Variants in LAMB1 observed in about 807,000 individuals in gnomAD.
LAMB1 encodes the protein laminin subunit beta 1.
Under a neutral mutation model 222.3 loss-of-function variants are expected in LAMB1, and 121 were observed. The observed-to-expected ratio is 0.54, with a 90% CI of 0.47 to 0.63. The LOEUF is 0.63. LAMB1 is among the 30% of genes least tolerant of loss of function. LAMB1 has a pLI of 0.00. For missense variants in LAMB1, 2,172 were observed against 2,240.8 expected (o/e 0.97, Z 0.62); for synonymous variants, 794 against 807.2 (o/e 0.98, Z 0.28).
In LAMB1 at chr7:107,972,982, C is replaced by A; in HGVS notation, c.1562+10G>T. The A allele has an allele frequency of 1.2e-6, 2 of 1,604,534 alleles. No homozygotes were observed. Among genetic ancestry groups the A allele is most frequent in the Non-Finnish European group, 1.7e-6 (2 of 1,171,334 alleles). On this transcript the variant is annotated intron_variant, in intron 13 of 33. Transcript: ENST00000222399. The stretch of plus-strand genomic sequence containing the variant: ...ACTGAGGACAAGAGCATACGTAGAG[C>A]TCCATTTACCTGTTGTTTAAGGCTC...
intron 4 of LAMB1, 21 bp downstream of exon 4, chr7:107,998,336 G>A (rs761735862): frequency 6.2e-7 from 1 of 1,610,540 alleles, no homozygotes; most frequent in Non-Finnish European, 8.5e-7. Flanking sequence ...AACGGAACTT[G>A]TCCCCACACC....
intron 22 of LAMB1, among the ~76,000 whole-genome samples, chr7:107,952,930 T>C (rs903492411): frequency 2.0e-5 from 3 of 152,214 alleles, no homozygotes; most frequent in Admixed American, 1.3e-4. Context: ...GGGCAGAGCA[T>C]ACCATCAGTA....
intron 23 of LAMB1, 77 bp from the exon 24 acceptor site, chr7:107,951,399 A>G (rs2033247436): frequency 6.9e-6 from 9 of 1,298,062 alleles, no homozygotes; most frequent in Non-Finnish European, 8.8e-6. Context: ...TCTAGCTGCC[A>G]CTTAGAAGTA....
intron 15 of LAMB1, 88 bp from the exon 16 acceptor site, chr7:107,961,764 T>C (rs2033510116): frequency 7.0e-7 from 1 of 1,423,096 alleles, no homozygotes; most frequent in South Asian, 1.2e-5. Flanking sequence ...AATTGCCAAG[T>C]TGAAATGGAA....
intron 24 of LAMB1, among the ~76,000 whole-genome samples, chr7:107,940,961 C>A (rs569787778): frequency 1.3e-5 from 2 of 152,166 alleles, no homozygotes; most frequent in Non-Finnish European, 2.9e-5. Flanking sequence ...TAAACATGAT[C>A]AAAACAAAAC....
At chr7:107,931,817 C>T (rs572275090) in intron 28 of LAMB1, 486 of 468,324 alleles carry the variant, frequency 1.0e-3, no homozygotes, top group Middle Eastern at 1.7e-3. Context: ...AAGTGTGTGT[C>T]ACTTTAGAAG....
Position 108,001,548 on chromosome 7 carries a change from C to A in LAMB1, c.213+10G>T. 1 of 1,586,386 alleles carries A rather than the reference C, an allele frequency of 6.3e-7. No homozygotes were observed. Among genetic ancestry groups the A allele is most frequent in the Non-Finnish European group, 8.6e-7 (1 of 1,161,422 alleles). On this transcript the variant is annotated intron_variant, in intron 3 of 33. Coordinates refer to ENST00000222399, the MANE Select transcript of LAMB1 (RefSeq NM_002291.3). ...CTAGCAGAGCCTCGAACCCCGCTCT[C>A]AGCCCTCACCTGCAAGTGGCTGACG...
chr7:107,973,979 TG>T (rs1302410251), intron 12 of LAMB1, among the ~76,000 whole-genome samples: 6 of 152,108 alleles, frequency 3.9e-5, no homozygotes, highest in African/African-American at 1.4e-4. Context: ...ATTTTAGAGA[TG>T]GGGTCTTGCT....
At position 107,929,494 on chromosome 7, in the gene LAMB1, A is replaced by G; in HGVS notation, c.4663T>C (p.Ser1555Pro). 1.2e-6 allele frequency: 2 copies of G among 1,614,186 alleles called. No homozygotes were observed. Among genetic ancestry groups the G allele is most frequent in the Non-Finnish European group, 1.7e-6 (2 of 1,180,002 alleles). Residue 1555 changes from serine (S) to proline (P), a missense_variant, in exon 30 of 34, where the codon TCT becomes CCT. Transcript: ENST00000222399. ...EDIRERVESL[S>P]QVEVILQHSA... Reference sequence around the variant, plus strand: ...TGCTGAAGAATAACCTCTACTTGAGAAAGGCTTTCAACTCGTTCACGTATA... The same window carrying G: ...TGCTGAAGAATAACCTCTACTTGAGGAAGGCTTTCAACTCGTTCACGTATA...
In LAMB1 at chr7:107,955,650, G is replaced by C. The variant is rs755964110; in HGVS notation, c.2691-20C>G. 1.2e-6 allele frequency: 2 copies of C among 1,603,036 alleles called. No homozygotes were observed. Among genetic ancestry groups the C allele is most frequent in the South Asian group, 1.1e-5 (1 of 89,536 alleles). On this transcript the variant is annotated intron_variant, in intron 20 of 33. Transcript: ENST00000222399. ...AAGCACCTGCATCAGTCACAGAAGA[G>C]AACAGGCCATGACCCCACAGTTCTA...
chr7:107,951,311 C>A lies in LAMB1; in HGVS notation c.3306G>T (p.Gln1102His). 1 of 1,614,148 alleles carries A rather than the reference C, an allele frequency of 6.2e-7. No homozygotes were observed. Among genetic ancestry groups the A allele is most frequent in the Non-Finnish European group, 8.5e-7 (1 of 1,179,990 alleles). ...CTCCAAACCCAGGCATGCACTGGCA[C>A]TGCCCCGTGAACTGCGGCCAGAACA... Reference protein sequence around the residue: ...FGPSCNEFTGQCQCMPGFGGR... With the variant: ...FGPSCNEFTGHCQCMPGFGGR... The change falls in exon 24 of 34, where the codon CAG becomes CAT. Residue 1102 changes from glutamine (Q) to histidine (H), a missense_variant. By Grantham distance (24) the Gln-to-His change is conservative. Coordinates refer to ENST00000222399, the MANE Select transcript of LAMB1 (RefSeq NM_002291.3).
chr7:107,930,768 G>C (rs940074123), intron 29 of LAMB1, among the ~76,000 whole-genome samples: 1 of 152,202 alleles, frequency 6.6e-6, no homozygotes, highest in African/African-American at 2.4e-5. Context: ...GGACAAAGCT[G>C]ATATGCTTAA....
At position 108,001,618 on chromosome 7, in the gene LAMB1, C is replaced by G. The variant is rs1379984543; in HGVS notation, c.153G>C (p.Ser51=). ...DLLIGRAQKL[S]VTSTCGLHKP... ...TGTGCAGCCCGCACGTCGAGGTCAC[C>G]GAAAGCTTCTGTGCTCGGCCGATGA... Residue 51 remains serine (S), a synonymous_variant, in exon 3 of 34, where the codon TCG becomes TCC. Coordinates refer to ENST00000222399, the MANE Select transcript of LAMB1 (RefSeq NM_002291.3). 6.2e-7 allele frequency: 1 copy of G among 1,613,178 alleles called. No homozygotes were observed. The highest frequency in any genetic ancestry group is 1.7e-5 in the Admixed American group (1 of 59,954).
rs565410701 is a variant in LAMB1 at position 107,975,606 on chromosome 7, A to G, written c.1189+83T>C. ...CAATGCTGGCTTTACTGCTCATACT[A>G]TGAGCTCTGAGACTACTGACTATTC... On this transcript the variant is annotated intron_variant, in intron 10 of 33. Coordinates refer to ENST00000222399, the MANE Select transcript of LAMB1 (RefSeq NM_002291.3). 1.6e-5 allele frequency: 22 copies of G among 1,365,474 alleles called. No homozygotes were observed. In the Admixed American group the frequency reaches 3.7e-4, roughly 23 times the overall value. The allele number at this position is 1,365,474 out of a possible 1,614,324, so 84.6% of individuals were successfully genotyped here.
In LAMB1 at chr7:107,929,550, G is replaced by A. The variant is rs2032655688; in HGVS notation, c.4607C>T (p.Thr1536Ile). ...TGTCAAGTTCTGTAACTGCTGTGGG[G>A]TGCTAGGCATCTCCATTTTCAATAC... ...NEVLKMEMPSTPQQLQNLTED... is the reference protein window; with the variant it reads ...NEVLKMEMPSIPQQLQNLTED... Residue 1536 changes from threonine to isoleucine, a missense_variant, in exon 30 of 34, where the codon ACC becomes ATC. By Grantham distance (89) the Thr-to-Ile change is moderately conservative. Transcript: ENST00000222399. 4 of 1,614,058 alleles carry A rather than the reference G, an allele frequency of 2.5e-6. No individual in the cohort carries two copies. The highest frequency in any genetic ancestry group is 1.6e-4 in the Middle Eastern group (1 of 6,062).
chr7:108,001,410 T>G, intron 3 of LAMB1, 148 bp downstream of exon 3: 3 of 854,746 alleles, frequency 3.5e-6, no homozygotes, highest in South Asian at 1.9e-5. Flanking sequence ...GGCGAAAGGT[T>G]GAGCTACAAG....
At chr7:107,942,462 T>C (rs1367748881) in intron 24 of LAMB1, 1 of 152,298 alleles carries the variant, frequency 6.6e-6, no homozygotes. Flanking sequence ...TTATTGTCTT[T>C]GTTCTCCCCC....
At chr7:107,993,738 C>G (rs922704473) in intron 5 of LAMB1, among the ~76,000 whole-genome samples, 9 of 152,152 alleles carry the variant, frequency 5.9e-5, no homozygotes, top group Admixed American at 5.9e-4. Context: ...GTTTAATCAC[C>G]AGATTGTGTG....
rs116220494 is a variant in LAMB1 at position 107,966,139 on chromosome 7, C to T, written c.1563-1452G>A. Among the ~76,000 whole-genome samples the T allele has an allele frequency of 8.8e-3, 1,338 of 152,116 alleles. 14 individuals carry two copies. Among genetic ancestry groups the T allele is most frequent in the African/African-American group, 0.03 (1,258 of 41,486 alleles). ...TAAATAAAATCCTAAACGACCCTGC[C>T]GCAGCATAGCTGAAGTCCTCTTTTT... On this transcript the variant is annotated intron_variant, in intron 13 of 33. Transcript: ENST00000222399.
Sources: gnomAD v4.1 joint callset for allele counts (sites outside exome capture counted in the v4.1 genomes callset) on GRCh38, gnomAD v4.1.1 for gene constraint, MANE v1.5 for transcripts, NCBI Gene and HGNC (gene_info 2026-07-23, HGNC 2026-07-21) for gene names.